SLC7A1: variants seen among roughly 807,000 people sequenced by gnomAD.
SLC7A1 encodes solute carrier family 7 member 1.
SLC7A1 carries 10 observed loss-of-function variants against 53.9 expected under a neutral mutation model. That is an observed-to-expected ratio of 0.19 (90% CI 0.11 to 0.31). SLC7A1 has a LOEUF of 0.31. Among genes scored for constraint, SLC7A1 ranks in the 10% least tolerant of loss-of-function variants. SLC7A1 has a pLI of 1.00. For missense variants in SLC7A1, 525 were observed against 827.2 expected, an observed-to-expected ratio of 0.63 and a Z score of 4.48; for synonymous variants, 342 against 338.7, an observed-to-expected ratio of 1.01 and a Z score of -0.11.
chr13:29,516,393 T>TCCCACAC lies in SLC7A1; in HGVS notation c.1678-154_1678-148dup, dbSNP rs142299178. ...AGAGAGAGGGAGTGCCCACCCCCAC[T>TCCCACAC]CCCACACCCCACACACAGCCCGCAC... is the stretch of plus-strand genomic sequence containing the variant. On this transcript the variant is annotated intron_variant, in intron 11 of 12. Transcript: ENST00000380752. 3.9e-4 allele frequency: 232 copies of TCCCACAC among 601,506 alleles called. No homozygotes were observed. The African/African-American group carries it at 4.0e-3, about 10-fold the overall frequency. The allele number at this position is 601,506 out of a possible 1,614,324, so 37.3% of individuals were successfully genotyped here.
chr13:29,532,679 A>C, intron 4 of SLC7A1, 145 bp downstream of exon 4: 1 of 637,828 alleles, frequency 1.6e-6, no homozygotes, highest in Non-Finnish European at 2.6e-6. Flanking sequence ...ACAAATAAAG[A>C]TGCCTGCATG....
At chr13:29,525,593 A>AAGT (rs1566255750) in intron 5 of SLC7A1, among the ~76,000 whole-genome samples, 2 of 152,210 alleles carry the variant, frequency 1.3e-5, no homozygotes, top group Non-Finnish European at 2.9e-5. Context: ...AATGGGGATT[A>AAGT]AGCCTTACTA....
At chr13:29,553,004 C>T (rs142055468) in intron 2 of SLC7A1, among the ~76,000 whole-genome samples, 24 of 152,304 alleles carry the variant, frequency 1.6e-4, no homozygotes, top group Non-Finnish European at 3.1e-4. Context: ...CAGACAGCCT[C>T]ACTGGCCAGC....
chr13:29,516,082 G>A (rs1883545633), intron 12 of SLC7A1, 56 bp downstream of exon 12: 1 of 1,065,200 alleles, frequency 9.4e-7, no homozygotes, highest in Non-Finnish European at 1.4e-6. Context: ...TCTGAAACAA[G>A]GGAGACCCCC....
intron 5 of SLC7A1, among the ~76,000 whole-genome samples, chr13:29,527,517 G>A (rs544808865): frequency 1.3e-5 from 2 of 152,238 alleles, no homozygotes; most frequent in South Asian, 2.1e-4. Flanking sequence ...TTTTACATGC[G>A]TGTGGCAGTT....
chr13:29,539,326 C>T (rs1221508026), intron 2 of SLC7A1, among the ~76,000 whole-genome samples: 3 of 152,104 alleles, frequency 2.0e-5, no homozygotes, highest in African/African-American at 7.2e-5. Flanking sequence ...GAATGTGAGC[C>T]GGCTGCTCGC....
Position 29,514,586 on chromosome 13 carries a change from G to A in SLC7A1, c.1787-3C>T, listed in dbSNP as rs1443649139. 1.9e-6 allele frequency: 3 copies of A among 1,604,046 alleles called. No individual in the cohort carries two copies. The highest frequency in any genetic ancestry group is 2.2e-5 in the East Asian group (1 of 44,712). ...ATAGCCAAAGTAGATGATGAAGCCT[G>A]CGGGCCGACAGCAGAGACGGGCGTG... On this transcript the variant is annotated splice_region_variant and splice_polypyrimidine_tract_variant and intron_variant, in intron 12 of 12. Transcript: ENST00000380752.
Position 29,589,469 on chromosome 13 carries a change from C to T in SLC7A1, c.-115+5947G>A, listed in dbSNP as rs139233644. 2.0e-3 allele frequency among the ~76,000 whole-genome samples: 304 copies of T among 152,342 alleles called. 1 individual carries two copies. Among genetic ancestry groups the T allele is most frequent in the African/African-American group, 6.8e-3 (281 of 41,586 alleles). On this transcript the variant is annotated intron_variant, in intron 1 of 12. Coordinates refer to ENST00000380752, the MANE Select transcript of SLC7A1 (RefSeq NM_003045.5). ...CCCAGAAAGAATGCAGCCCAGCCTC[C>T]GTCACACACACCGGCTCCTGACACT...
intron 6 of SLC7A1, 40 bp downstream of exon 6, chr13:29,524,092 G>A: frequency 1.2e-6 from 2 of 1,607,110 alleles, no homozygotes; most frequent in Non-Finnish European, 1.7e-6. Flanking sequence ...TTTGCCCAGG[G>A]TGCAGGAGGA....
intron 1 of SLC7A1, among the ~76,000 whole-genome samples, chr13:29,570,647 T>C (rs1388321128): frequency 2.0e-5 from 3 of 151,966 alleles, no homozygotes; most frequent in Non-Finnish European, 4.4e-5. Flanking sequence ...AGCCCCGGAG[T>C]TGGAGACCAG....
chr13:29,563,961 G>A (rs978545147), intron 1 of SLC7A1, among the ~76,000 whole-genome samples: 5 of 152,114 alleles, frequency 3.3e-5, no homozygotes, highest in South Asian at 2.1e-4. Flanking sequence ...ATGCTCTGCC[G>A]GCCAATGAGA....
At chr13:29,528,387 A>T (rs1490403630) in intron 5 of SLC7A1, among the ~76,000 whole-genome samples, 1 of 152,184 alleles carries the variant, frequency 6.6e-6, no homozygotes, top group African/African-American at 2.4e-5. Flanking sequence ...CAGGGTAACT[A>T]ACACTCCTCT....
chr13:29,543,948 A>G (rs899887316), intron 2 of SLC7A1, among the ~76,000 whole-genome samples: 14 of 152,176 alleles, frequency 9.2e-5, no homozygotes, highest in African/African-American at 3.1e-4. Context: ...TTCCAGGCAC[A>G]GTGGGGAAGT....
rs1870258814 is a variant in SLC7A1 at position 29,552,827 on chromosome 13, C to A, written c.-15+934G>T. Among the ~76,000 whole-genome samples, 3 of 151,946 alleles carry A rather than the reference C, an allele frequency of 2.0e-5. No individual in the cohort carries two copies. The South Asian group carries it at 6.2e-4, about 31-fold the overall frequency. ...CTGAAGGCCGTCAGCCCCAATTTCCCACTCCACATTCTATATTTCTGTGTG... is the reference window on the plus strand; with the variant it reads ...CTGAAGGCCGTCAGCCCCAATTTCCAACTCCACATTCTATATTTCTGTGTG... On this transcript the variant is annotated intron_variant, in intron 2 of 12. Coordinates refer to ENST00000380752, the MANE Select transcript of SLC7A1 (RefSeq NM_003045.5).
intron 6 of SLC7A1, among the ~76,000 whole-genome samples, chr13:29,523,822 T>C (rs532793148): frequency 6.6e-5 from 10 of 152,320 alleles, no homozygotes; most frequent in East Asian, 1.9e-4. Context: ...GATGACAATG[T>C]TGTGAATAGC....
At chr13:29,515,405 CAGACAG>C (rs1175002528) in intron 12 of SLC7A1, among the ~76,000 whole-genome samples, 1 of 152,224 alleles carries the variant, frequency 6.6e-6, no homozygotes, top group Admixed American at 6.5e-5. Context: ...CGGCTGCCAG[CAGACAG>C]TGGGCCGCAA....
intron 12 of SLC7A1, among the ~76,000 whole-genome samples, chr13:29,515,024 G>A (rs1051545571): frequency 6.6e-6 from 1 of 152,306 alleles, no homozygotes; most frequent in African/African-American, 2.4e-5. Context: ...ATAACTGAGC[G>A]TCAGACTGCA....
intron 2 of SLC7A1, among the ~76,000 whole-genome samples, chr13:29,544,860 G>A (rs1049199678): frequency 2.4e-5 from 1 of 40,832 alleles, no homozygotes; most frequent in African/African-American, 6.2e-5. Flanking sequence ...CATCGCACCT[G>A]CCTCATCGGG....
intron 1 of SLC7A1, among the ~76,000 whole-genome samples, chr13:29,578,854 A>G (rs754425113): frequency 7.2e-5 from 11 of 152,230 alleles, no homozygotes; most frequent in Non-Finnish European, 1.2e-4. Context: ...GCCTCTTTCC[A>G]CAGCCCTGCC....
Sources: allele counts gnomAD v4.1 joint callset (sites outside exome capture counted in the v4.1 genomes callset), GRCh38; gene constraint gnomAD v4.1.1; transcripts MANE v1.5; gene names NCBI Gene and HGNC (gene_info 2026-07-23, HGNC 2026-07-21).